TBC1D8B: variants seen among roughly 807,000 people sequenced by gnomAD.
TBC1D8B encodes the protein RP11-321G1.1.
In TBC1D8B, 75 loss-of-function variants were observed where a neutral mutation model predicts 82.9. The ratio of observed to expected loss-of-function variants is 0.90; its 90% CI spans 0.75 to 1.10. The LOEUF is 1.10. Ranked by LOEUF, TBC1D8B falls within the 50% of genes least tolerant of loss-of-function variation. TBC1D8B has a pLI of 0.00. For missense variants in TBC1D8B, 794 were observed against 796.9 expected (o/e 1.00, Z 0.04); for synonymous variants, 276 against 276.8 (o/e 1.00, Z 0.03).
chrX:106,826,346 C>T, intron 6 of TBC1D8B, 109 bp downstream of exon 6: 1 of 582,125 alleles, frequency 1.7e-6, no homozygotes, highest in Non-Finnish European at 2.6e-6. Flanking sequence ...ATGCAATATC[C>T]TTTTAGTAAT....
rs1569450337 is a variant in TBC1D8B, at chrX:106,822,099, C to T, written c.483C>T (p.Thr161=). 8.3e-7 allele frequency: 1 copy of T among 1,210,360 alleles called. No individual in the cohort carries two copies. The highest frequency in any genetic ancestry group is 1.1e-6 in the Non-Finnish European group (1 of 894,707). ...TACCAGAGAAGGAGAAGTTAGTGAC[C>T]TATTATTCATGCAGTTATTGGAAAG... The part of the protein sequence containing the change: ...FGLPEKEKLV[T]YYSCSYWKGR... The change falls in exon 4 of 21, where the codon ACC becomes ACT. Residue 161 remains threonine (T), a synonymous_variant. Coordinates refer to ENST00000357242, the MANE Select transcript of TBC1D8B (RefSeq NM_017752.3).
chrX:106,803,076 C>G, intron 1 of TBC1D8B, 93 bp downstream of exon 1: 2 of 1,016,586 alleles, frequency 2.0e-6, no homozygotes, highest in South Asian at 5.2e-5. Flanking sequence ...ACCAGTTTCC[C>G]GATCCTAAAT....
At chrX:106,827,137 A>C in intron 6 of TBC1D8B, 33 bp from the exon 7 acceptor site, 5 of 1,189,121 alleles carry the variant, frequency 4.2e-6, no homozygotes, top group Non-Finnish European at 5.7e-6. Context: ...ATAAAGGAAA[A>C]TTTAATTGAC....
chrX:106,834,291 G>A (rs947866803), intron 7 of TBC1D8B, among the ~76,000 whole-genome samples: 1 of 111,124 alleles, frequency 9.0e-6, no homozygotes, highest in Non-Finnish European at 1.9e-5. Flanking sequence ...GAAGGGGGAA[G>A]CCCCTTATAA....
At chrX:106,866,060 A>T in intron 16 of TBC1D8B, 27 bp downstream of exon 16, 2 of 1,187,504 alleles carry the variant, frequency 1.7e-6, no homozygotes, top group Non-Finnish European at 2.3e-6. Flanking sequence ...AAGCAAAAAA[A>T]AAAGGTGCTC....
intron 14 of TBC1D8B, among the ~76,000 whole-genome samples, chrX:106,863,493 G>A (rs777704832): frequency 3.6e-5 from 4 of 111,397 alleles, no homozygotes; most frequent in Non-Finnish European, 7.6e-5. Context: ...GTGGAGGGAG[G>A]CACACACCAC....
chrX:106,805,027 C>T (rs1931142334), intron 1 of TBC1D8B, among the ~76,000 whole-genome samples: 1 of 105,453 alleles, frequency 9.5e-6, no homozygotes, highest in South Asian at 4.1e-4. Flanking sequence ...AATATAATCA[C>T]TGTAATGTAG....
chrX:106,835,127 C>A (rs930486822), intron 7 of TBC1D8B, among the ~76,000 whole-genome samples: 4 of 112,689 alleles, frequency 3.5e-5, no homozygotes, highest in Non-Finnish European at 7.5e-5. Context: ...CTGCAGCAAA[C>A]TTCTGCCTGG....
At chrX:106,858,460 G>A (rs1265914138) in intron 14 of TBC1D8B, among the ~76,000 whole-genome samples, 1 of 111,686 alleles carries the variant, frequency 9.0e-6, no homozygotes, top group African/African-American at 3.3e-5. Context: ...TTTTAGTAGA[G>A]ACGGGGTTTC....
At chrX:106,814,443 C>T (rs1423867783) in intron 1 of TBC1D8B, 2 of 106,203 alleles carry the variant, frequency 1.9e-5, no homozygotes, top group Non-Finnish European at 3.9e-5. Context: ...TCCAGTCTAT[C>T]ATTGTTGGAC....
At chrX:106,808,532 A>T (rs1433582323) in intron 1 of TBC1D8B, among the ~76,000 whole-genome samples, 1 of 112,391 alleles carries the variant, frequency 8.9e-6, no homozygotes, top group Non-Finnish European at 1.9e-5. Flanking sequence ...CAAAAACAAA[A>T]CACTGATAGT....
chrX:106,858,337 A>G (rs1285124765), intron 14 of TBC1D8B, among the ~76,000 whole-genome samples: 5 of 111,829 alleles, frequency 4.5e-5, no homozygotes, highest in Non-Finnish European at 7.5e-5. Flanking sequence ...CAGTGGTGCG[A>G]TCTTGGCTCA....
chrX:106,847,177 A>C (rs1465496559), intron 10 of TBC1D8B, among the ~76,000 whole-genome samples: 1 of 111,981 alleles, frequency 8.9e-6, no homozygotes, highest in East Asian at 2.8e-4. Flanking sequence ...TATATGTAAT[A>C]GTAAAAAATT....
intron 10 of TBC1D8B, among the ~76,000 whole-genome samples, chrX:106,845,273 G>T (rs1932413620): frequency 9.2e-6 from 1 of 108,116 alleles, no homozygotes; most frequent in Non-Finnish European, 1.9e-5. Flanking sequence ...ACCAACTTTT[G>T]CTTTTGTTGA....
intron 14 of TBC1D8B, among the ~76,000 whole-genome samples, chrX:106,855,062 G>A (rs1932670885): frequency 8.9e-6 from 1 of 112,216 alleles, no homozygotes; most frequent in Non-Finnish European, 1.9e-5. Flanking sequence ...GTCAGAAGGA[G>A]GAGAGTTTTA....
At chrX:106,805,892 A>G (rs1186462256) in intron 1 of TBC1D8B, among the ~76,000 whole-genome samples, 15 of 112,678 alleles carry the variant, frequency 1.3e-4, no homozygotes, top group Admixed American at 1.3e-3. Context: ...TTTGTTTGCT[A>G]AAATCCAGTG....
In TBC1D8B at chrX:106,828,993, A is replaced by T. The variant is rs1165765518; in HGVS notation, c.1203+1656A>T. The T allele has an allele frequency of 3.7e-5, 4 of 107,728 alleles. No homozygotes were observed. The East Asian group carries it at 8.5e-4, about 23-fold the overall frequency. 8.9% of individuals were successfully genotyped at this position (107,728 alleles called of 1,213,427 possible). A position where few individuals can be genotyped will look rare whatever the true frequency, so the allele number is the denominator to read the frequency against. On this transcript the variant is annotated intron_variant, in intron 7 of 20. Transcript: ENST00000357242. ...AAGAGTATTCAATTAGGAAAAGAGGAAGTCAAATTGTCCCTGTTTGCAGAC... is the reference window on the plus strand; with the variant it reads ...AAGAGTATTCAATTAGGAAAAGAGGTAGTCAAATTGTCCCTGTTTGCAGAC...
intron 2 of TBC1D8B, among the ~76,000 whole-genome samples, chrX:106,819,749 C>T (rs955089442): frequency 5.4e-5 from 6 of 110,363 alleles, no homozygotes; most frequent in Admixed American, 1.9e-4. Context: ...GCTGACATCA[C>T]GAGAATTCTG....
intron 1 of TBC1D8B, among the ~76,000 whole-genome samples, chrX:106,809,351 G>C (rs1931286902): frequency 9.0e-6 from 1 of 111,312 alleles, no homozygotes; most frequent in South Asian, 3.8e-4. Context: ...AATAAAGTAA[G>C]GTATCATGAT....
Sources: allele counts gnomAD v4.1 joint callset (sites outside exome capture counted in the v4.1 genomes callset), GRCh38; gene constraint gnomAD v4.1.1; transcripts MANE v1.5; gene names NCBI Gene and HGNC (gene_info 2026-07-23, HGNC 2026-07-21).